The following AUH variants were observed in gnomAD, a reference collection of about 807,000 sequenced individuals.
AUH encodes the protein methylglutaconyl-CoA hydratase, mitochondrial.
A neutral mutation model predicts 42.3 loss-of-function variants in AUH; 29 were observed. The ratio of observed to expected loss-of-function variants is 0.69; its 90% CI spans 0.51 to 0.93. The LOEUF is 0.93. Ranked by LOEUF, AUH falls within the 40% of genes least tolerant of loss-of-function variation. The probability of loss-of-function intolerance (pLI) is 0.00; values close to 1 mark genes in which losing one functional copy is unlikely to be tolerated. For synonymous variants in AUH, 174 were observed against 166.4 expected, an observed-to-expected ratio of 1.05 and a Z score of -0.35; for missense variants, 452 against 438.1, an observed-to-expected ratio of 1.03 and a Z score of -0.28.
chr9:91,359,980 T>C lies in AUH; in HGVS notation c.262+1648A>G, dbSNP rs147374546. On this transcript the variant is annotated intron_variant, in intron 1 of 9. Coordinates refer to ENST00000375731, the MANE Select transcript of AUH (RefSeq NM_001698.3). ...GGGTCAACTTTAAGAAACCATGATGTATGTCCTATCTCATCAGGAAATCAA... is the reference window on the plus strand; with the variant it reads ...GGGTCAACTTTAAGAAACCATGATGCATGTCCTATCTCATCAGGAAATCAA... Among the ~76,000 whole-genome samples the C allele has an allele frequency of 2.5e-3, 382 of 151,366 alleles. 1 individual carries two copies. The highest frequency in any genetic ancestry group is 3.8e-3 in the Non-Finnish European group (259 of 67,856).
chr9:91,276,084 C>T (rs189099215), intron 6 of AUH, among the ~76,000 whole-genome samples: 1 of 152,108 alleles, frequency 6.6e-6, no homozygotes, highest in East Asian at 1.9e-4. Context: ...TTACGTACCC[C>T]ATAAGCTAAT....
chr9:91,272,842 AC>A (rs1825257520), intron 6 of AUH, among the ~76,000 whole-genome samples: 1 of 152,210 alleles, frequency 6.6e-6, no homozygotes, highest in African/African-American at 2.4e-5. Context: ...ACCAAAAAAA[AC>A]TTCACTGTAA....
Position 91,259,552 on chromosome 9 carries a change from C to T in AUH, c.655+36469G>A, listed in dbSNP as rs140653337. 3.6e-4 allele frequency among the ~76,000 whole-genome samples: 54 copies of T among 152,080 alleles called. No individual in the cohort carries two copies. The East Asian group carries it at 9.3e-3, about 26-fold the overall frequency. On this transcript the variant is annotated intron_variant, in intron 6 of 9. Transcript: ENST00000375731. ...AAAAGTTTAGATCACTGATTCTAGA[C>T]CTTTTTTCCTAAGATTTTAAAGTTA...
chr9:91,358,184 T>A (rs186784640), intron 1 of AUH, among the ~76,000 whole-genome samples: 1 of 152,184 alleles, frequency 6.6e-6, no homozygotes, highest in African/African-American at 2.4e-5. Flanking sequence ...TGTTAAGGAG[T>A]ATTTACCAGG....
intron 6 of AUH, among the ~76,000 whole-genome samples, chr9:91,278,907 G>C (rs1186337455): frequency 6.6e-6 from 1 of 152,118 alleles, no homozygotes; most frequent in African/African-American, 2.4e-5. Context: ...GCAAAGAAAA[G>C]ATTCCGTAAG....
At chr9:91,290,156 C>G (rs1288737892) in intron 6 of AUH, among the ~76,000 whole-genome samples, 2 of 151,884 alleles carry the variant, frequency 1.3e-5, no homozygotes, top group Non-Finnish European at 2.9e-5. Flanking sequence ...TGGCTCATGC[C>G]TGTAATCCCA....
chr9:91,288,821 T>C (rs1290804031), intron 6 of AUH, among the ~76,000 whole-genome samples: 1 of 152,182 alleles, frequency 6.6e-6, no homozygotes, highest in African/African-American at 2.4e-5. Flanking sequence ...TTGAGCCTTC[T>C]AAATTAAAAA....
intron 6 of AUH, among the ~76,000 whole-genome samples, chr9:91,241,613 A>G (rs959418719): frequency 6.6e-6 from 1 of 152,190 alleles, no homozygotes; most frequent in Non-Finnish European, 1.5e-5. Context: ...CCAGCCCTAA[A>G]GAAAAGTCTT....
intron 6 of AUH, among the ~76,000 whole-genome samples, chr9:91,295,218 A>C (rs950468675): frequency 1.1e-4 from 17 of 152,200 alleles, no homozygotes; most frequent in Admixed American, 1.1e-3. Flanking sequence ...CTGTGAGTCC[A>C]TTAAACCTCT....
intron 9 of AUH, among the ~76,000 whole-genome samples, chr9:91,215,391 G>C (rs61581483): frequency 0.032 from 4,799 of 151,966 alleles, 265 homozygotes; most frequent in African/African-American, 0.11. Flanking sequence ...ACATCCTCCT[G>C]TATACTTTAA....
rs141731177 is a variant in AUH at position 91,217,625 on chromosome 9, C to G, written c.844-298G>C. On this transcript the variant is annotated intron_variant, in intron 7 of 9. Transcript: ENST00000375731. ...AGCTTGCTGTTCTTCAGCAACACTTCCTAGAAGTTAAGTAGAGGAAGGAAA... is the reference window on the plus strand; with the variant it reads ...AGCTTGCTGTTCTTCAGCAACACTTGCTAGAAGTTAAGTAGAGGAAGGAAA... Among the ~76,000 whole-genome samples the G allele has an allele frequency of 8.1e-4, 123 of 152,246 alleles. 1 individual carries two copies. Among genetic ancestry groups the G allele is most frequent in the African/African-American group, 2.7e-3 (112 of 41,542 alleles).
At chr9:91,358,583 A>C (rs1384197980) in intron 1 of AUH, among the ~76,000 whole-genome samples, 3 of 152,230 alleles carry the variant, frequency 2.0e-5, no homozygotes, top group African/African-American at 7.2e-5. Context: ...GATACATGTA[A>C]AATTTACAAC....
intron 6 of AUH, among the ~76,000 whole-genome samples, chr9:91,270,605 G>A (rs1451307509): frequency 1.3e-5 from 2 of 151,952 alleles, no homozygotes; most frequent in Non-Finnish European, 2.9e-5. Flanking sequence ...ACCCCTTGTA[G>A]AGCAAAAAGG....
At chr9:91,249,224 G>C (rs373354503) in intron 6 of AUH, among the ~76,000 whole-genome samples, 1 of 145,676 alleles carries the variant, frequency 6.9e-6, no homozygotes, top group Admixed American at 7.1e-5. Flanking sequence ...CTGAGCCTGG[G>C]AGATTGAGGC....
At chr9:91,328,816 T>A (rs1354540875) in intron 3 of AUH, among the ~76,000 whole-genome samples, 1 of 152,196 alleles carries the variant, frequency 6.6e-6, no homozygotes, top group Non-Finnish European at 1.5e-5. Context: ...ACTTTAAGTA[T>A]AGAATTCAAG....
At chr9:91,290,629 G>A (rs1410844992) in intron 6 of AUH, among the ~76,000 whole-genome samples, 1 of 152,112 alleles carries the variant, frequency 6.6e-6, no homozygotes, top group Non-Finnish European at 1.5e-5. Flanking sequence ...AAGAACTTAA[G>A]TATATTGGGA....
intron 6 of AUH, among the ~76,000 whole-genome samples, chr9:91,230,193 C>T (rs1044906708): frequency 1.4e-4 from 22 of 152,160 alleles, no homozygotes; most frequent in African/African-American, 5.3e-4. Context: ...TTCAGGTACA[C>T]CAATCAGACG....
rs377589819 is a variant in AUH, at chr9:91,214,223, C to T, written c.*125G>A. ...GGTCCATTCCAGATGCTTATTACAC[C>T]GTATGAATAATCTGCTCTTCACTTT... is the stretch of plus-strand genomic sequence containing the variant. On this transcript the variant is annotated 3_prime_UTR_variant, in exon 10 of 10. Transcript: ENST00000375731. 2.5e-6 allele frequency: 2 copies of T among 787,898 alleles called. No homozygotes were observed. The highest frequency in any genetic ancestry group is 5.4e-5 in the East Asian group (2 of 36,794). 48.8% of individuals were successfully genotyped at this position (787,898 alleles called of 1,614,324 possible). A position where few individuals can be genotyped will look rare whatever the true frequency, so the allele number is the denominator to read the frequency against.
intron 3 of AUH, among the ~76,000 whole-genome samples, chr9:91,351,042 G>A (rs1186986995): frequency 1.3e-5 from 2 of 151,276 alleles, no homozygotes; most frequent in Admixed American, 1.3e-4. Context: ...GCACAATCAC[G>A]GCTCGCAGCT....
Sources: allele counts gnomAD v4.1 joint callset (sites outside exome capture counted in the v4.1 genomes callset), GRCh38; gene constraint gnomAD v4.1.1; transcripts MANE v1.5; gene names NCBI Gene and HGNC (gene_info 2026-07-23, HGNC 2026-07-21).